Variants in PLEKHH2 observed in about 807,000 individuals in gnomAD.
PLEKHH2 encodes the protein pleckstrin homology domain-containing family H member 2.
Under a neutral mutation model 187.9 loss-of-function variants are expected in PLEKHH2, and 129 were observed. The ratio of observed to expected loss-of-function variants is 0.69; its 90% CI spans 0.59 to 0.79. The LOEUF (loss-of-function observed/expected upper bound fraction) is 0.79, where lower values mean the gene tolerates loss of function less well. PLEKHH2 is among the 30% of genes least tolerant of loss of function. The pLI is 0.00. For synonymous variants in PLEKHH2, 686 were observed against 605.6 expected (o/e 1.13, Z -1.95); for missense variants, 2,076 against 1,751.2 (o/e 1.19, Z -3.31).
chr2:43,650,894 C>T (rs374586494), intron 2 of PLEKHH2, among the ~76,000 whole-genome samples: 1 of 151,978 alleles, frequency 6.6e-6, no homozygotes, highest in Non-Finnish European at 1.5e-5. Context: ...ATCTGCCCAC[C>T]TTGGGCTCCC....
chr2:43,706,334 C>T lies in PLEKHH2; in HGVS notation c.1739C>T (p.Thr580Ile), dbSNP rs756354866. The change falls in exon 10 of 30, where the codon ACC (threonine) becomes ATC (isoleucine). Residue 580 changes from threonine (T) to isoleucine (I), a missense_variant. By Grantham distance (89) the Thr-to-Ile change is moderately conservative. Coordinates refer to ENST00000282406, the MANE Select transcript of PLEKHH2 (RefSeq NM_172069.4). ...MESVNKNSAA[T>I]LSYTTSGLYT... ...TTTTCTGTTTCAGATTCTGCTGCAA[C>T]CCTTTCCTATACTACATCAGGACTT... 10 of 1,605,884 alleles carry T rather than the reference C, an allele frequency of 6.2e-6. No homozygotes were observed. The highest frequency in any genetic ancestry group is 2.2e-5 in the East Asian group (1 of 44,802).
chr2:43,678,857 C>T lies in PLEKHH2; in HGVS notation c.124-6C>T. Reference sequence around the variant, plus strand: ...TTTTGTATTTATATTTTCCCTCACTCTACAGATGCAACAGCTTGAGAGACA... The same window carrying T: ...TTTTGTATTTATATTTTCCCTCACTTTACAGATGCAACAGCTTGAGAGACA... On this transcript the variant is annotated splice_region_variant and splice_polypyrimidine_tract_variant and intron_variant, in intron 2 of 29. Coordinates refer to ENST00000282406, the MANE Select transcript of PLEKHH2 (RefSeq NM_172069.4). 1 of 1,595,532 alleles carries T rather than the reference C, an allele frequency of 6.3e-7. No homozygotes were observed. The highest frequency in any genetic ancestry group is 1.1e-5 in the South Asian group (1 of 89,002).
In PLEKHH2 at chr2:43,726,295, C is replaced by G. The variant is rs1485664610; in HGVS notation, c.2565C>G (p.Leu855=). 8 of 1,611,368 alleles carry G rather than the reference C, an allele frequency of 5.0e-6. No homozygotes were observed. The highest frequency in any genetic ancestry group is 2.7e-5 in the African/African-American group (2 of 74,830). Residue 855 remains leucine, a synonymous_variant, in exon 17 of 30, where the codon CTC becomes CTG. Coordinates refer to ENST00000282406, the MANE Select transcript of PLEKHH2 (RefSeq NM_172069.4). ...EDKFPLGQIK[L]WEAKVEEVDR... ...AGTTTCCTTTAGGTCAGATCAAACTCTGGGAGGCTAAAGTGGAAGAGGTTG... is the reference window on the plus strand; with the variant it reads ...AGTTTCCTTTAGGTCAGATCAAACTGTGGGAGGCTAAAGTGGAAGAGGTTG...
chr2:43,638,772 T>G (rs2104307007), intron 1 of PLEKHH2, among the ~76,000 whole-genome samples: 1 of 151,978 alleles, frequency 6.6e-6, no homozygotes, highest in African/African-American at 2.4e-5. Flanking sequence ...AATTTTTAAC[T>G]ACCCAAGATG....
intron 21 of PLEKHH2, chr2:43,741,348 A>C: frequency 5.6e-6 from 1 of 179,996 alleles, no homozygotes; most frequent in Non-Finnish European, 1.2e-5. Context: ...CAATAAAAGC[A>C]ACTATTTTGT....
rs142666417 is a variant in PLEKHH2, at chr2:43,671,723, T to C, written c.124-7140T>C. On this transcript the variant is annotated intron_variant, in intron 2 of 29. Transcript: ENST00000282406. ...TTCATCTATCGAAATGATATTTCTT[T>C]TCTAGCCACTTGACATGGTGAACTA... is the stretch of plus-strand genomic sequence containing the variant. 4.2e-3 allele frequency among the ~76,000 whole-genome samples: 637 copies of C among 152,360 alleles called. 4 individuals carry two copies. The highest frequency in any genetic ancestry group is 0.014 in the African/African-American group (590 of 41,588).
chr2:43,744,879 A>G (rs1234794024), intron 23 of PLEKHH2, among the ~76,000 whole-genome samples: 2 of 151,208 alleles, frequency 1.3e-5, no homozygotes, highest in African/African-American at 4.9e-5. Flanking sequence ...AAAAAAAAAA[A>G]AAAAAAAAGA....
intron 24 of PLEKHH2, 126 bp from the exon 25 acceptor site, chr2:43,753,493 A>G (rs1343291894): frequency 1.6e-6 from 1 of 617,128 alleles, no homozygotes; most frequent in African/African-American, 1.9e-5. Flanking sequence ...TGACAGTAGT[A>G]GTCTAAGTTC....
intron 17 of PLEKHH2, among the ~76,000 whole-genome samples, chr2:43,728,050 A>C (rs561085753): frequency 2.8e-3 from 425 of 152,288 alleles, no homozygotes; most frequent in African/African-American, 9.7e-3. Context: ...GGAGGGAAGC[A>C]CTCCTATATA....
intron 19 of PLEKHH2, among the ~76,000 whole-genome samples, chr2:43,737,672 C>T (rs182861833): frequency 6.6e-6 from 1 of 152,186 alleles, no homozygotes; most frequent in Non-Finnish European, 1.5e-5. Flanking sequence ...AATGACTGCT[C>T]AAGACATGGC....
At chr2:43,748,110 T>A (rs1377436357) in intron 24 of PLEKHH2, among the ~76,000 whole-genome samples, 1 of 152,216 alleles carries the variant, frequency 6.6e-6, no homozygotes, top group Non-Finnish European at 1.5e-5. Flanking sequence ...AGTTGGCCAC[T>A]TAAAGGGCCA....
intron 11 of PLEKHH2, among the ~76,000 whole-genome samples, chr2:43,708,143 A>C (rs1170088385): frequency 6.6e-6 from 1 of 152,156 alleles, no homozygotes; most frequent in Admixed American, 6.5e-5. Flanking sequence ...CTCGGCTTCA[A>C]CTGGAGCTGC....
In PLEKHH2 at chr2:43,692,628, G is replaced by A. The variant is rs768972903; in HGVS notation, c.301G>A (p.Val101Ile). The A allele has an allele frequency of 2.9e-5, 46 of 1,613,086 alleles. No individual in the cohort carries two copies. The highest frequency in any genetic ancestry group is 2.5e-4 in the Admixed American group (15 of 59,862). Residue 101 changes from valine to isoleucine, a missense_variant, in exon 4 of 30, where the codon GTC (valine) becomes ATC (isoleucine). Transcript: ENST00000282406. The part of the protein sequence containing the change: ...LESLIQEKDD[V>I]IQNLELQLEE... ...GTCGCTAATACAGGAAAAAGATGAC[G>A]TCATTCAAAACTTGGAATTGCAACT...
chr2:43,643,011 G>A (rs1411114773), intron 1 of PLEKHH2, among the ~76,000 whole-genome samples: 1 of 152,008 alleles, frequency 6.6e-6, no homozygotes, highest in Non-Finnish European at 1.5e-5. Flanking sequence ...TTATTTTCTA[G>A]TATTGCATCC....
intron 17 of PLEKHH2, among the ~76,000 whole-genome samples, chr2:43,728,852 G>A (rs530605456): frequency 1.6e-4 from 24 of 152,148 alleles, no homozygotes; most frequent in Admixed American, 1.2e-3. Context: ...ATGAGCCACC[G>A]TGCCCGGCCT....
chr2:43,646,298 T>C (rs371027023), intron 2 of PLEKHH2, among the ~76,000 whole-genome samples: 12 of 152,300 alleles, frequency 7.9e-5, no homozygotes, highest in African/African-American at 2.9e-4. Flanking sequence ...TTTTCCATGT[T>C]GTACTATGAT....
At chr2:43,653,306 T>G (rs572522675) in intron 2 of PLEKHH2, among the ~76,000 whole-genome samples, 1 of 152,118 alleles carries the variant, frequency 6.6e-6, no homozygotes, top group African/African-American at 2.4e-5. Context: ...AAAAAACAGT[T>G]CACATACAAA....
At chr2:43,679,038 C>T in intron 3 of PLEKHH2, 113 bp downstream of exon 3, 3 of 569,490 alleles carry the variant, frequency 5.3e-6, no homozygotes, top group Non-Finnish European at 9.1e-6. Flanking sequence ...ATCTTTTTGA[C>T]TGTTCATAGC....
At chr2:43,723,658 C>A (rs992187701) in intron 16 of PLEKHH2, among the ~76,000 whole-genome samples, 1 of 152,206 alleles carries the variant, frequency 6.6e-6, no homozygotes, top group African/African-American at 2.4e-5. Context: ...TCAGAACACC[C>A]TTCTTGCACC....
Sources: allele counts gnomAD v4.1 joint callset (sites outside exome capture counted in the v4.1 genomes callset), GRCh38; gene constraint gnomAD v4.1.1; transcripts MANE v1.5; gene names NCBI Gene and HGNC (gene_info 2026-07-23, HGNC 2026-07-21).